The following TMEM182 variants were observed in gnomAD, a reference collection of about 807,000 sequenced individuals.
TMEM182 encodes transmembrane protein 182.
Under a neutral mutation model 26.8 loss-of-function variants are expected in TMEM182, and 20 were observed. The observed-to-expected ratio is 0.75, with a 90% confidence interval of 0.53 to 1.09. TMEM182 has a LOEUF of 1.09. Among genes scored for constraint, TMEM182 ranks in the 50% least tolerant of loss-of-function variants. TMEM182 has a pLI of 0.00. For missense variants in TMEM182, 277 were observed against 275.5 expected (o/e 1.01, Z -0.04); for synonymous variants, 109 against 102.2 (o/e 1.07, Z -0.40).
chr2:102,740,141 TG>T (rs1679502658), intron 1 of TMEM182, among the ~76,000 whole-genome samples: 1 of 152,226 alleles, frequency 6.6e-6, no homozygotes, highest in Admixed American at 6.5e-5. Context: ...GTGTACTGCA[TG>T]TAACTATGTG....
At chr2:102,785,434 A>G (rs963446798) in intron 3 of TMEM182, among the ~76,000 whole-genome samples, 10 of 152,110 alleles carry the variant, frequency 6.6e-5, no homozygotes, top group Non-Finnish European at 1.2e-4. Context: ...CTAATTGTAT[A>G]TTTCTTTCCT....
At chr2:102,821,287 T>C (rs894863341), downstream of TMEM182, among the ~76,000 whole-genome samples, 1 of 152,224 alleles carries the variant, frequency 6.6e-6, no homozygotes, top group Non-Finnish European at 1.5e-5. Context: ...CCACATCTCA[T>C]GTTGAATTAT....
intron 3 of TMEM182, among the ~76,000 whole-genome samples, chr2:102,772,965 T>TGA (rs59041628): frequency 6.6e-6 from 1 of 151,842 alleles, no homozygotes; most frequent in African/African-American, 2.4e-5. Context: ...TGTGTGTGTG[T>TGA]CCACATAAGG....
intron 3 of TMEM182, among the ~76,000 whole-genome samples, chr2:102,836,671 T>G (rs1320720066): frequency 6.6e-6 from 1 of 152,166 alleles, no homozygotes; most frequent in African/African-American, 2.4e-5. Flanking sequence ...AGTGCTGGTT[T>G]GCTTGTCCAC....
At chr2:102,821,845 G>A (rs995077372), downstream of TMEM182, among the ~76,000 whole-genome samples, 7 of 151,916 alleles carry the variant, frequency 4.6e-5, no homozygotes, top group African/African-American at 1.5e-4. Flanking sequence ...AAAATTAGCC[G>A]GGCATGGTGG....
chr2:102,795,003 T>C (rs1681809399), intron 3 of TMEM182, among the ~76,000 whole-genome samples: 1 of 152,322 alleles, frequency 6.6e-6, no homozygotes, highest in East Asian at 1.9e-4. Context: ...TTTTTCTTTC[T>C]GTTTCTCATA....
chr2:102,827,121 A>C (rs1188944735), intron 3 of TMEM182, among the ~76,000 whole-genome samples: 3 of 152,230 alleles, frequency 2.0e-5, no homozygotes. Context: ...GCAGCTATTT[A>C]TAGCACAGAT....
At chr2:102,785,074 A>G (rs908369414) in intron 3 of TMEM182, among the ~76,000 whole-genome samples, 15 of 152,276 alleles carry the variant, frequency 9.9e-5, no homozygotes, top group African/African-American at 3.4e-4. Context: ...TGAAAAGTTC[A>G]TGCAACTTGG....
downstream of TMEM182, among the ~76,000 whole-genome samples, chr2:102,821,536 A>C (rs774001517): frequency 6.6e-5 from 10 of 152,198 alleles, no homozygotes; most frequent in Non-Finnish European, 8.8e-5. Flanking sequence ...GAAGCTGAGC[A>C]AATGCCAGTG....
chr2:102,801,925 A>G (rs1029279565), intron 4 of TMEM182, among the ~76,000 whole-genome samples: 40 of 151,868 alleles, frequency 2.6e-4, no homozygotes, highest in African/African-American at 9.2e-4. Context: ...ACAACTCTAC[A>G]TTGTTTGTGT....
chr2:102,785,797 C>A (rs762629568), intron 3 of TMEM182, among the ~76,000 whole-genome samples: 15 of 152,078 alleles, frequency 9.9e-5, no homozygotes, highest in Non-Finnish European at 1.9e-4. Context: ...AATGTGATTT[C>A]TTGGATGTTA....
chr2:102,836,744 A>G (rs1683254294), intron 3 of TMEM182, among the ~76,000 whole-genome samples: 1 of 152,200 alleles, frequency 6.6e-6, no homozygotes, highest in Non-Finnish European at 1.5e-5. Context: ...TCAGAGTGCC[A>G]CACAGAGCAG....
intron 3 of TMEM182, among the ~76,000 whole-genome samples, chr2:102,794,773 T>A (rs1222619605): frequency 6.6e-6 from 1 of 152,210 alleles, no homozygotes; most frequent in African/African-American, 2.4e-5. Flanking sequence ...GTGTCTTGAC[T>A]AATTTATAGG....
chr2:102,774,091 ATATCT>A (rs1303282215), intron 3 of TMEM182, among the ~76,000 whole-genome samples: 6 of 152,146 alleles, frequency 3.9e-5, no homozygotes, highest in Admixed American at 2.6e-4. Context: ...AATTATCAAC[ATATCT>A]TATCTATACA....
intron 3 of TMEM182, chr2:102,775,441 G>A (rs1460723566): frequency 5.3e-5 from 8 of 152,204 alleles, no homozygotes; most frequent in African/African-American, 1.9e-4. Context: ...CATACTGAAT[G>A]GGCAAAAACT....
At chr2:102,804,306 C>T (rs1682265752) in intron 4 of TMEM182, among the ~76,000 whole-genome samples, 2 of 151,912 alleles carry the variant, frequency 1.3e-5, no homozygotes, top group African/African-American at 2.4e-5. Flanking sequence ...TTATCCCTTG[C>T]CCCCTTCTAC....
intron 4 of TMEM182, among the ~76,000 whole-genome samples, chr2:102,801,946 G>A (rs560767392): frequency 6.6e-6 from 1 of 152,178 alleles, no homozygotes; most frequent in Non-Finnish European, 1.5e-5. Context: ...ATGACCATTT[G>A]TTTACCAAGA....
At position 102,805,863 on chromosome 2, in the gene TMEM182, C is replaced by T. The variant is rs774491541; in HGVS notation, c.469+7863C>T. Among the ~76,000 whole-genome samples the T allele has an allele frequency of 3.1e-4, 47 of 151,878 alleles. 1 individual carries two copies. Among genetic ancestry groups the T allele is most frequent in the Admixed American group, 1.4e-3 (21 of 15,226 alleles). ...GTTGGAAGCTGCAGTGAGCTGTGACCGCACCACTGTACTCCAGCCTGGCAG... is the reference window on the plus strand; with the variant it reads ...GTTGGAAGCTGCAGTGAGCTGTGACTGCACCACTGTACTCCAGCCTGGCAG... On this transcript the variant is annotated intron_variant, in intron 4 of 4. Transcript: ENST00000412401.
chr2:102,827,682 A>C (rs779402243), intron 3 of TMEM182, among the ~76,000 whole-genome samples: 2 of 152,190 alleles, frequency 1.3e-5, no homozygotes, highest in Non-Finnish European at 2.9e-5. Flanking sequence ...TTGAGTGCTG[A>C]GTGTTAGGAA....
Sources: gnomAD v4.1 joint callset for allele counts (sites outside exome capture counted in the v4.1 genomes callset) on GRCh38, gnomAD v4.1.1 for gene constraint, MANE v1.5 for transcripts, NCBI Gene and HGNC (gene_info 2026-07-23, HGNC 2026-07-21) for gene names.